The following SLC25A26 variants were observed in gnomAD, a reference collection of about 807,000 sequenced individuals.
SLC25A26 encodes mitochondrial S-adenosylmethionine carrier protein.
SLC25A26 carries 36 observed loss-of-function variants against 37.8 expected under a neutral mutation model. The observed-to-expected ratio is 0.95, with a 90% CI of 0.73 to 1.26. The LOEUF (loss-of-function observed/expected upper bound fraction) is 1.26. Ranked by LOEUF, SLC25A26 falls within the 50% of genes most tolerant of loss-of-function variation. The pLI, the probability that SLC25A26 is intolerant of heterozygous loss-of-function variation, is 0.00. For missense variants in SLC25A26, 390 were observed against 331.1 expected, an observed-to-expected ratio of 1.18 and a Z score of -1.38; for synonymous variants, 129 against 122.5, an observed-to-expected ratio of 1.05 and a Z score of -0.35.
At chr3:66,192,501 T>C (rs2070965862) in intron 1 of SLC25A26, among the ~76,000 whole-genome samples, 1 of 152,130 alleles carries the variant, frequency 6.6e-6, no homozygotes, top group Non-Finnish European at 1.5e-5. Context: ...AATAAATGTC[T>C]GTTGTTTCAG....
Position 66,199,093 on chromosome 3 carries a change from C to G in SLC25A26, c.-353-21649C>G, listed in dbSNP as rs914672530. 5.1e-4 allele frequency among the ~76,000 whole-genome samples: 77 copies of G among 151,978 alleles called. 1 individual carries two copies. In the East Asian group the frequency reaches 0.012, roughly 23 times the overall value. ...ATGATCCTTACCCTCAAATCTGACTCAAACCTGATGTCACCCTGACACTGT... is the reference window on the plus strand; with the variant it reads ...ATGATCCTTACCCTCAAATCTGACTGAAACCTGATGTCACCCTGACACTGT... On this transcript the variant is annotated intron_variant, in intron 1 of 10. Transcript: ENST00000676754.
chr3:66,137,898 A>G (rs931832414), intron 1 of SLC25A26, among the ~76,000 whole-genome samples: 6 of 151,992 alleles, frequency 3.9e-5, no homozygotes, highest in African/African-American at 1.2e-4. Flanking sequence ...CAGTAGCCCA[A>G]TCTTGGCTCT....
At chr3:66,358,314 A>G (rs2076622758) in intron 6 of SLC25A26, among the ~76,000 whole-genome samples, 1 of 152,208 alleles carries the variant, frequency 6.6e-6, no homozygotes, top group Admixed American at 6.5e-5. Flanking sequence ...TTTGTAAATA[A>G]CACTCTTTTT....
In SLC25A26 at chr3:66,274,886, C is replaced by T. The variant is rs527922511; in HGVS notation, c.453+11507C>T. Among the ~76,000 whole-genome samples the T allele has an allele frequency of 5.1e-3, 774 of 152,144 alleles. 7 individuals are homozygous for T. The highest frequency in any genetic ancestry group is 0.018 in the African/African-American group (749 of 41,504). On this transcript the variant is annotated intron_variant, in intron 5 of 9. Transcript: ENST00000354883. ...GAACTAGAAATACCATTTGACCCAG[C>T]CATCCCATTACTAGGTATATACCCA... is the stretch of plus-strand genomic sequence containing the variant.
chr3:66,156,777 G>A (rs1351416937), intron 1 of SLC25A26, among the ~76,000 whole-genome samples: 1 of 152,044 alleles, frequency 6.6e-6, no homozygotes, highest in East Asian at 1.9e-4. Flanking sequence ...CCTCTGATTG[G>A]GCTGGGGCCT....
chr3:66,261,769 C>T (rs940572978), intron 3 of SLC25A26: 8 of 257,488 alleles, frequency 3.1e-5, no homozygotes, highest in Non-Finnish European at 5.8e-5. Context: ...AGTAAATGTG[C>T]TTCTTGCCGT....
At chr3:66,323,100 G>GTT (rs1445328473) in intron 5 of SLC25A26, among the ~76,000 whole-genome samples, 5 of 150,992 alleles carry the variant, frequency 3.3e-5, no homozygotes, top group Non-Finnish European at 7.4e-5. Flanking sequence ...AATAGGCATT[G>GTT]TGGAGATGCC....
At chr3:66,209,331 A>G (rs967082939) in intron 1 of SLC25A26, among the ~76,000 whole-genome samples, 4 of 139,764 alleles carry the variant, frequency 2.9e-5, no homozygotes, top group Admixed American at 1.5e-4. Context: ...ATCTATATGT[A>G]TGTATATATA....
rs79022519 is a variant in SLC25A26 at position 66,340,099 on chromosome 3, G to C, written c.454-6265G>C. Reference sequence around the variant, plus strand: ...ACATCCATTTTTCCCAATATCGTTTGTTGAAAAGATTGTCCTTTCGCTGTT... The same window carrying C: ...ACATCCATTTTTCCCAATATCGTTTCTTGAAAAGATTGTCCTTTCGCTGTT... On this transcript the variant is annotated intron_variant, in intron 5 of 9. Coordinates refer to ENST00000354883, the MANE Select transcript of SLC25A26 (RefSeq NM_001379210.1). 7.8e-3 allele frequency among the ~76,000 whole-genome samples: 1,193 copies of C among 152,052 alleles called. 15 individuals are homozygous for C. Among genetic ancestry groups the C allele is most frequent in the Middle Eastern group, 0.024 (7 of 294 alleles).
chr3:66,330,198 C>G (rs536272342), intron 5 of SLC25A26, among the ~76,000 whole-genome samples: 55 of 152,258 alleles, frequency 3.6e-4, no homozygotes, highest in African/African-American at 1.2e-3. Context: ...GCCTATACAA[C>G]TGGGCCTATA....
intron 1 of SLC25A26, among the ~76,000 whole-genome samples, chr3:66,144,859 A>G (rs1029890291): frequency 6.6e-6 from 1 of 152,196 alleles, no homozygotes; most frequent in African/African-American, 2.4e-5. Flanking sequence ...GAAAATGTGG[A>G]GATCATGACT....
At chr3:66,318,839 G>C (rs1479842774) in intron 5 of SLC25A26, among the ~76,000 whole-genome samples, 1 of 151,666 alleles carries the variant, frequency 6.6e-6, no homozygotes, top group African/African-American at 2.4e-5. Flanking sequence ...TTATAGAGAT[G>C]GTATCTCTCT....
At chr3:66,274,720 A>C (rs1371794614) in intron 5 of SLC25A26, among the ~76,000 whole-genome samples, 21 of 152,340 alleles carry the variant, frequency 1.4e-4, no homozygotes, top group African/African-American at 4.1e-4. Context: ...CACACCAGTT[A>C]GAATGGCGAT....
At chr3:66,343,343 C>T (rs2076251195) in intron 5 of SLC25A26, among the ~76,000 whole-genome samples, 1 of 152,148 alleles carries the variant, frequency 6.6e-6, no homozygotes, top group African/African-American at 2.4e-5. Flanking sequence ...TTTATGAGGG[C>T]TATTTCACTA....
At chr3:66,336,359 G>A (rs995303603) in intron 5 of SLC25A26, among the ~76,000 whole-genome samples, 6 of 152,100 alleles carry the variant, frequency 3.9e-5, no homozygotes, top group African/African-American at 1.4e-4. Context: ...ATGCTAAAAT[G>A]TGCTGCTGAA....
chr3:66,352,442 G>GTTTTTTT (rs58389048), intron 6 of SLC25A26, among the ~76,000 whole-genome samples: 4 of 128,944 alleles, frequency 3.1e-5, no homozygotes, highest in African/African-American at 1.2e-4. Flanking sequence ...TTTGTTTTTT[G>GTTTTTTT]TTTTTTTTTT....
intron 5 of SLC25A26, among the ~76,000 whole-genome samples, chr3:66,298,622 A>T (rs918388545): frequency 6.6e-6 from 1 of 152,204 alleles, no homozygotes; most frequent in East Asian, 1.9e-4. Context: ...CTGTAGCTGG[A>T]TTTCTTACCC....
intron 1 of SLC25A26, among the ~76,000 whole-genome samples, chr3:66,191,365 A>C (rs1362884383): frequency 6.6e-6 from 1 of 152,218 alleles, no homozygotes; most frequent in Non-Finnish European, 1.5e-5. Context: ...ACTGCACTCC[A>C]GCCTGGGTGA....
intron 8 of SLC25A26, 148 bp downstream of exon 8, chr3:66,369,690 A>G: frequency 3.0e-6 from 2 of 661,450 alleles, no homozygotes; most frequent in South Asian, 3.8e-5. Flanking sequence ...CAAAACTGCC[A>G]TTGATGGAAC....
Sources: allele counts gnomAD v4.1 joint callset (sites outside exome capture counted in the v4.1 genomes callset), GRCh38; gene constraint gnomAD v4.1.1; transcripts MANE v1.5; gene names NCBI Gene and HGNC (gene_info 2026-07-23, HGNC 2026-07-21).